LSAMP: variants seen among roughly 807,000 people sequenced by gnomAD.
LSAMP encodes the protein limbic system-associated membrane protein.
LSAMP carries 7 observed loss-of-function variants against 38.6 expected under a neutral mutation model. The ratio of observed to expected loss-of-function variants is 0.18; its 90% CI spans 0.10 to 0.34. The LOEUF is 0.34. LSAMP is among the 10% of genes least tolerant of loss of function. The probability of loss-of-function intolerance (pLI) is 1.00; values close to 1 mark genes in which losing one functional copy is unlikely to be tolerated. For missense variants in LSAMP, 313 were observed against 420.0 expected (o/e 0.75, Z 2.23); for synonymous variants, 154 against 166.8 (o/e 0.92, Z 0.59).
chr3:115,933,660 A>G (rs570450445), intron 3 of LSAMP, among the ~76,000 whole-genome samples: 1 of 152,304 alleles, frequency 6.6e-6, no homozygotes, highest in Admixed American at 6.5e-5. Context: ...CACCCCTGGA[A>G]GAGTGTGCAG....
chr3:116,142,186 G>A (rs1709385525), intron 1 of LSAMP, among the ~76,000 whole-genome samples: 1 of 151,998 alleles, frequency 6.6e-6, no homozygotes, highest in African/African-American at 2.4e-5. Context: ...CCTGCTGTAG[G>A]AGTTCAGTGT....
intron 1 of LSAMP, among the ~76,000 whole-genome samples, chr3:116,226,787 A>G (rs1234024109): frequency 2.0e-5 from 3 of 152,202 alleles, no homozygotes; most frequent in East Asian, 1.9e-4. Context: ...ATATGATAAC[A>G]GGAAGTCTAC....
chr3:116,186,197 G>A (rs540834592), intron 1 of LSAMP, among the ~76,000 whole-genome samples: 127 of 152,222 alleles, frequency 8.3e-4, no homozygotes, highest in African/African-American at 2.9e-3. Context: ...GCCAGATGAA[G>A]TCTTCATGAA....
At position 115,803,163 on chromosome 3, in the gene LSAMP, G is replaced by C. The variant is rs541703656; in HGVS notation, c.*7154C>G. The C allele has an allele frequency of 5.1e-4, 78 of 152,342 alleles. No individual in the cohort carries two copies. The highest frequency in any genetic ancestry group is 1.7e-3 in the African/African-American group (72 of 41,566). 9.4% of individuals were successfully genotyped at this position (152,342 alleles called of 1,614,324 possible). ...CTGTAGAAGTAGATCCAGGAGCACTGCCCAAAAAGAGGTACTTCTGAAATG... is the reference window on the plus strand; with the variant it reads ...CTGTAGAAGTAGATCCAGGAGCACTCCCCAAAAAGAGGTACTTCTGAAATG... On this transcript the variant is annotated 3_prime_UTR_variant, in exon 7 of 7. Transcript: ENST00000490035.
chr3:116,249,007 G>C (rs1247436965), intron 1 of LSAMP, among the ~76,000 whole-genome samples: 1 of 151,920 alleles, frequency 6.6e-6, no homozygotes, highest in East Asian at 1.9e-4. Flanking sequence ...AAATTAGCCG[G>C]GCATGGTGGC....
intron 1 of LSAMP, among the ~76,000 whole-genome samples, chr3:116,444,230 A>G (rs1204810578): frequency 6.6e-6 from 1 of 152,130 alleles, no homozygotes; most frequent in Non-Finnish European, 1.5e-5. Flanking sequence ...TTATATCCAC[A>G]TTCCAGGAAA....
intron 1 of LSAMP, among the ~76,000 whole-genome samples, chr3:116,191,730 A>G (rs1056600820): frequency 6.6e-6 from 1 of 151,954 alleles, no homozygotes; most frequent in Non-Finnish European, 1.5e-5. Context: ...GTATTCCTGC[A>G]ATTAGCCAAT....
At chr3:115,963,654 C>T (rs989836257) in intron 3 of LSAMP, among the ~76,000 whole-genome samples, 7 of 152,210 alleles carry the variant, frequency 4.6e-5, no homozygotes, top group African/African-American at 1.7e-4. Context: ...GTTTTAACTT[C>T]ACTTAGAATA....
At chr3:115,997,713 GATATATATATAT>G (rs376845636) in intron 3 of LSAMP, among the ~76,000 whole-genome samples, 4,221 of 91,662 alleles carry the variant, frequency 0.046, 140 homozygotes, top group Non-Finnish European at 0.06. Context: ...GACATTTTGG[GATATATATATAT>G]ATATATATAT....
intron 2 of LSAMP, among the ~76,000 whole-genome samples, chr3:116,038,643 G>A (rs148137680): frequency 1.6e-3 from 249 of 152,108 alleles, no homozygotes; most frequent in African/African-American, 5.6e-3. Flanking sequence ...ATATACACCC[G>A]CCTCTCATTC....
At chr3:116,196,565 A>G (rs1427500958) in intron 1 of LSAMP, among the ~76,000 whole-genome samples, 1 of 152,114 alleles carries the variant, frequency 6.6e-6, no homozygotes, top group African/African-American at 2.4e-5. Flanking sequence ...AGGGATTTTT[A>G]TTTGAGCTAT....
At chr3:115,898,949 T>C (rs1391177820) in intron 3 of LSAMP, among the ~76,000 whole-genome samples, 1 of 152,140 alleles carries the variant, frequency 6.6e-6, no homozygotes, top group Non-Finnish European at 1.5e-5. Context: ...TGTCATGCAA[T>C]GACCATTTGA....
chr3:116,138,355 T>C (rs1297088147), intron 1 of LSAMP, among the ~76,000 whole-genome samples: 1 of 152,138 alleles, frequency 6.6e-6, no homozygotes, highest in Non-Finnish European at 1.5e-5. Flanking sequence ...CAATTGTGGA[T>C]ATTTTCTTTC....
At chr3:115,833,809 A>C (rs1934697260) in intron 6 of LSAMP, among the ~76,000 whole-genome samples, 1 of 152,044 alleles carries the variant, frequency 6.6e-6, no homozygotes, top group African/African-American at 2.4e-5. Flanking sequence ...CTGGAATTTA[A>C]TTTCAATGGT....
At chr3:116,141,321 A>G (rs963304932) in intron 1 of LSAMP, among the ~76,000 whole-genome samples, 3 of 151,920 alleles carry the variant, frequency 2.0e-5, no homozygotes, top group African/African-American at 4.8e-5. Context: ...AGACATGCAA[A>G]GAAGGGGATG....
chr3:116,251,899 C>T (rs753408842), intron 1 of LSAMP, among the ~76,000 whole-genome samples: 12 of 152,224 alleles, frequency 7.9e-5, no homozygotes, highest in Non-Finnish European at 1.0e-4. Flanking sequence ...AGCTGAAAAA[C>T]TCATTCTGCT....
chr3:116,072,752 G>GTTTTTTTTTT (rs36091421), intron 2 of LSAMP, among the ~76,000 whole-genome samples: 2 of 112,342 alleles, frequency 1.8e-5, no homozygotes, highest in Admixed American at 9.3e-5. Flanking sequence ...GTTGTTTGTG[G>GTTTTTTTTTT]TTTTTTTTTT....
chr3:116,013,451 A>G (rs1940388501), intron 3 of LSAMP, among the ~76,000 whole-genome samples: 1 of 152,186 alleles, frequency 6.6e-6, no homozygotes, highest in African/African-American at 2.4e-5. Flanking sequence ...TTGGGAAAAT[A>G]TGTTTCAAAT....
intron 6 of LSAMP, among the ~76,000 whole-genome samples, chr3:115,831,276 A>C (rs1410932020): frequency 1.3e-5 from 2 of 152,180 alleles, no homozygotes; most frequent in Non-Finnish European, 2.9e-5. Flanking sequence ...GAGGCAAACA[A>C]GTGAGACACA....
Sources: gnomAD v4.1 joint callset for allele counts (sites outside exome capture counted in the v4.1 genomes callset) on GRCh38, gnomAD v4.1.1 for gene constraint, MANE v1.5 for transcripts, NCBI Gene and HGNC (gene_info 2026-07-23, HGNC 2026-07-21) for gene names.